The following DRC7 variants were observed in gnomAD, a reference collection of about 807,000 sequenced individuals.
The protein encoded by DRC7 is dynein regulatory complex subunit 7.
A neutral mutation model predicts 104.4 loss-of-function variants in DRC7; 80 were observed. That is an observed-to-expected ratio of 0.77 (90% confidence interval 0.64 to 0.92). The LOEUF is 0.92. Among genes scored for constraint, DRC7 ranks in the 40% least tolerant of loss-of-function variants. DRC7 has a pLI of 0.00. For synonymous variants in DRC7, 405 were observed against 447.3 expected (o/e 0.91, Z 1.19); for missense variants, 1,034 against 1,141.1 (o/e 0.91, Z 1.35).
At position 57,700,142 on chromosome 16, in the gene DRC7, C is replaced by A; in HGVS notation, c.379-3C>A. ...CCCACTGGCACCATCTCTCTCCTTG[C>A]AGAAGTTCGTGAGCACAACCCTCCG... On this transcript the variant is annotated splice_polypyrimidine_tract_variant and splice_region_variant and intron_variant, in intron 4 of 18. Coordinates refer to ENST00000360716, the MANE Select transcript of DRC7 (RefSeq NM_001289162.2). The A allele has an allele frequency of 6.2e-7, 1 of 1,613,448 alleles. No homozygotes were observed.
At chr16:57,701,825 C>G in intron 5 of DRC7, 111 bp from the exon 6 acceptor site, 1 of 896,998 alleles carries the variant, frequency 1.1e-6, no homozygotes, top group East Asian at 2.5e-5. Context: ...CAGGTCCAGC[C>G]TGTGCATTGG....
chr16:57,705,108 G>T (rs1313300020), intron 7 of DRC7, 74 bp downstream of exon 7: 1 of 1,494,654 alleles, frequency 6.7e-7, no homozygotes, highest in Non-Finnish European at 9.0e-7. Flanking sequence ...AAGAGGCATA[G>T]GTCATGGAGG....
At chr16:57,707,196 C>T (rs1465940378) in intron 7 of DRC7, among the ~76,000 whole-genome samples, 10 of 152,180 alleles carry the variant, frequency 6.6e-5, no homozygotes, top group Admixed American at 3.3e-4. Context: ...CATATAAAGC[C>T]GGTAACCCCC....
intron 17 of DRC7, among the ~76,000 whole-genome samples, chr16:57,730,067 T>TGATG (rs1312781115): frequency 2.7e-4 from 21 of 76,462 alleles, no homozygotes; most frequent in African/African-American, 1.1e-3. Flanking sequence ...GATGGATGGA[T>TGATG]GATGGATGGA....
At chr16:57,712,938 C>A (rs2048804505) in intron 8 of DRC7, among the ~76,000 whole-genome samples, 2 of 152,180 alleles carry the variant, frequency 1.3e-5, no homozygotes, top group Non-Finnish European at 2.9e-5. Context: ...ATTCAATATG[C>A]TCTCCAATTT....
rs1384146298 is a variant in DRC7 at position 57,726,165 on chromosome 16, G to A, written c.1856G>A (p.Arg619His). 6.2e-7 allele frequency: 1 copy of A among 1,613,006 alleles called. No individual in the cohort carries two copies. Among genetic ancestry groups the A allele is most frequent in the East Asian group, 2.2e-5 (1 of 44,900 alleles). Residue 619 changes from arginine to histidine, a missense_variant, in exon 14 of 19, where the codon CGC becomes CAC. Coordinates refer to ENST00000360716, the MANE Select transcript of DRC7 (RefSeq NM_001289162.2). ...GTCGCGGAGGAGCGCATCCAGCTGCGCTACCACTGCCGTGAGGACCACATC... is the reference window on the plus strand; with the variant it reads ...GTCGCGGAGGAGCGCATCCAGCTGCACTACCACTGCCGTGAGGACCACATC... ...FLVAEERIQL[R>H]YHCREDHITA...
chr16:57,702,035 T>C lies in DRC7; in HGVS notation c.604T>C (p.Tyr202His). 6.2e-7 allele frequency: 1 copy of C among 1,614,238 alleles called. No individual in the cohort carries two copies. Among genetic ancestry groups the C allele is most frequent in the Non-Finnish European group, 8.5e-7 (1 of 1,180,032 alleles). Reference sequence around the variant, plus strand: ...CTGCTCCATGCTTATCGGCTCTGGCTATGATGCTTACTGCGTCAACGGCTA... The same window carrying C: ...CTGCTCCATGCTTATCGGCTCTGGCCATGATGCTTACTGCGTCAACGGCTA... ...LLCSMLIGSGYDAYCVNGYGS... is the reference protein window; with the variant it reads ...LLCSMLIGSGHDAYCVNGYGS... Residue 202 changes from tyrosine to histidine, a missense_variant, in exon 6 of 19, where the codon TAT (tyrosine) becomes CAT (histidine). Transcript: ENST00000360716.
intron 8 of DRC7, chr16:57,714,966 G>T: frequency 3.0e-6 from 1 of 333,510 alleles, no homozygotes; most frequent in Non-Finnish European, 5.9e-6. Flanking sequence ...GAAGATGTAG[G>T]GCAGGACAGT....
At chr16:57,727,013 C>T (rs2048976827) in intron 15 of DRC7, 71 bp downstream of exon 15, 2 of 1,000,334 alleles carry the variant, frequency 2.0e-6, no homozygotes, top group Non-Finnish European at 3.1e-6. Flanking sequence ...GCTCTATAAC[C>T]CAGGCTGGAA....
At chr16:57,702,934 A>G (rs1387243097) in intron 6 of DRC7, among the ~76,000 whole-genome samples, 17 of 152,066 alleles carry the variant, frequency 1.1e-4, no homozygotes, top group Admixed American at 1.0e-3. Flanking sequence ...CTCAAGCTGG[A>G]GTGCAGTGGC....
chr16:57,723,107 C>A lies in DRC7; in HGVS notation c.1514C>A (p.Pro505His), dbSNP rs1188857449. The change falls in exon 12 of 19, where the codon CCT (proline) becomes CAT (histidine). Residue 505 changes from proline (P) to histidine (H), a missense_variant. Coordinates refer to ENST00000360716, the MANE Select transcript of DRC7 (RefSeq NM_001289162.2). ...TTDLKTDYFKPGHPQALRVHS... is the reference protein window; with the variant it reads ...TTDLKTDYFKHGHPQALRVHS... The stretch of plus-strand genomic sequence containing the variant: ...GACCTGAAGACAGACTACTTCAAGC[C>A]TGGCCACCCCCAGGCTCTGCGCGGT... 31 of 1,613,692 alleles carry A rather than the reference C, an allele frequency of 1.9e-5. No homozygotes were observed. Among genetic ancestry groups the A allele is most frequent in the Non-Finnish European group, 2.5e-5 (30 of 1,180,000 alleles).
intron 8 of DRC7, among the ~76,000 whole-genome samples, chr16:57,711,533 T>C (rs1418893688): frequency 6.6e-6 from 1 of 152,244 alleles, no homozygotes; most frequent in Admixed American, 6.5e-5. Context: ...GGACTGCTCC[T>C]TGTGGAGCAG....
rs369324025 is a variant in DRC7, at chr16:57,718,297, G to T, written c.1078-50G>T. ...CCCAACTCCCCATGGATCAGGTGGG[G>T]ACGTGGTGGCTGTGGGGTACACTCA... On this transcript the variant is annotated intron_variant, in intron 8 of 18. Coordinates refer to ENST00000360716, the MANE Select transcript of DRC7 (RefSeq NM_001289162.2). The T allele has an allele frequency of 1.6e-5, 25 of 1,599,378 alleles. No individual in the cohort carries two copies. In the South Asian group the frequency reaches 2.8e-4, roughly 18 times the overall value.
intron 8 of DRC7, among the ~76,000 whole-genome samples, chr16:57,712,833 C>T (rs1417769577): frequency 6.6e-6 from 1 of 152,030 alleles, no homozygotes; most frequent in Non-Finnish European, 1.5e-5. Context: ...CCCAGCTAAG[C>T]CTGTTCTTTT....
intron 5 of DRC7, 89 bp from the exon 6 acceptor site, chr16:57,701,847 C>A: frequency 1.7e-6 from 2 of 1,206,658 alleles, no homozygotes; most frequent in Non-Finnish European, 2.4e-6. Context: ...CCTGGCTCCC[C>A]ACCCTGACAG....
intron 8 of DRC7, among the ~76,000 whole-genome samples, chr16:57,717,382 A>G (rs1360232114): frequency 1.4e-5 from 2 of 147,484 alleles, no homozygotes; most frequent in Non-Finnish European, 3.0e-5. Flanking sequence ...CTACAGGTGC[A>G]TAACACCATG....
chr16:57,713,942 TG>T, intron 8 of DRC7: 1 of 189,440 alleles, frequency 5.3e-6, no homozygotes, highest in Non-Finnish European at 1.1e-5. Flanking sequence ...CTCAGTACAT[TG>T]CCAGCATTGA....
chr16:57,716,150 CATA>C (rs1402352442), intron 8 of DRC7, among the ~76,000 whole-genome samples: 3 of 152,192 alleles, frequency 2.0e-5, no homozygotes, highest in Admixed American at 6.5e-5. Flanking sequence ...AGTAACAAAG[CATA>C]ATATCTAACT....
chr16:57,722,680 G>T (rs771144998), intron 10 of DRC7, 33 bp from the exon 11 acceptor site: 3 of 1,611,976 alleles, frequency 1.9e-6, no homozygotes, highest in Non-Finnish European at 2.5e-6. Context: ...CCCCAAACTA[G>T]CAAGAAGAGA....
Sources: allele counts gnomAD v4.1 joint callset (sites outside exome capture counted in the v4.1 genomes callset), GRCh38; gene constraint gnomAD v4.1.1; transcripts MANE v1.5; gene names NCBI Gene and HGNC (gene_info 2026-07-23, HGNC 2026-07-21).